The following KHDRBS2 variants were observed in gnomAD, a reference collection of about 807,000 sequenced individuals.
KHDRBS2 encodes KH domain-containing, RNA-binding, signal transduction-associated protein 2.
In KHDRBS2, 26 loss-of-function variants were observed where a neutral mutation model predicts 44.3. The ratio of observed to expected loss-of-function variants is 0.59; its 90% CI spans 0.43 to 0.81. The LOEUF is 0.81. Ranked by LOEUF, KHDRBS2 falls within the 40% of genes least tolerant of loss-of-function variation. The pLI is 0.00. For synonymous variants in KHDRBS2, 194 were observed against 151.1 expected, an observed-to-expected ratio of 1.28 and a Z score of -2.08; for missense variants, 476 against 433.1, an observed-to-expected ratio of 1.10 and a Z score of -0.88.
At chr6:61,981,494 T>C (rs565439494) in intron 3 of KHDRBS2, among the ~76,000 whole-genome samples, 2 of 152,222 alleles carry the variant, frequency 1.3e-5, no homozygotes, top group East Asian at 3.9e-4. Flanking sequence ...TTGTTTGTTG[T>C]TGCTGTTTTT....
rs373865897 is a variant in KHDRBS2 at position 62,167,710 on chromosome 6, C to T, written c.219+9475G>A. Among the ~76,000 whole-genome samples the T allele has an allele frequency of 4.4e-3, 670 of 152,200 alleles. 9 individuals carry two copies. Among genetic ancestry groups the T allele is most frequent in the African/African-American group, 0.015 (637 of 41,542 alleles). ...TACTTTAGAAAAATAAAAAGCAATGCTGTGCAGTGGTCTGTGGTAAAGATA... is the reference window on the plus strand; with the variant it reads ...TACTTTAGAAAAATAAAAAGCAATGTTGTGCAGTGGTCTGTGGTAAAGATA... On this transcript the variant is annotated intron_variant, in intron 2 of 8. Coordinates refer to ENST00000281156, the MANE Select transcript of KHDRBS2 (RefSeq NM_152688.4).
At chr6:61,775,339 G>T (rs1167502959) in intron 6 of KHDRBS2, among the ~76,000 whole-genome samples, 1 of 152,064 alleles carries the variant, frequency 6.6e-6, no homozygotes, top group Non-Finnish European at 1.5e-5. Flanking sequence ...TTAGGAAAAA[G>T]GAAGTCAAAT....
At chr6:62,253,968 G>T (rs78831291) in intron 1 of KHDRBS2, among the ~76,000 whole-genome samples, 19 of 151,776 alleles carry the variant, frequency 1.3e-4, no homozygotes, top group Non-Finnish European at 2.2e-4. Context: ...AGCAGCATGG[G>T]GAATAACACA....
At chr6:61,688,937 T>C (rs1276695432) in intron 8 of KHDRBS2, among the ~76,000 whole-genome samples, 1 of 151,938 alleles carries the variant, frequency 6.6e-6, no homozygotes, top group African/African-American at 2.4e-5. Flanking sequence ...AAGGAGATGA[T>C]TCAAGATGGC....
intron 2 of KHDRBS2, among the ~76,000 whole-genome samples, chr6:62,066,424 A>G (rs1287949082): frequency 2.0e-5 from 3 of 151,684 alleles, no homozygotes; most frequent in African/African-American, 7.2e-5. Context: ...CTTAATGACA[A>G]CTGCACTCTA....
chr6:61,686,507 G>C (rs1294630463), intron 8 of KHDRBS2, among the ~76,000 whole-genome samples: 2 of 151,582 alleles, frequency 1.3e-5, no homozygotes, highest in Non-Finnish European at 3.0e-5. Context: ...TGCTATTGTT[G>C]CAACTCACTA....
intron 3 of KHDRBS2, among the ~76,000 whole-genome samples, chr6:62,021,789 C>A (rs963164817): frequency 3.0e-4 from 45 of 151,404 alleles, no homozygotes; most frequent in African/African-American, 9.2e-4. Context: ...CAAACTAATT[C>A]TTTAAAAGGA....
chr6:62,018,929 C>T (rs1380833952), intron 3 of KHDRBS2, among the ~76,000 whole-genome samples: 3 of 152,012 alleles, frequency 2.0e-5, no homozygotes, highest in Non-Finnish European at 2.9e-5. Flanking sequence ...CATAATTTTT[C>T]TAATGTTATT....
chr6:61,863,348 A>C (rs1399422043), intron 6 of KHDRBS2, among the ~76,000 whole-genome samples: 2 of 148,082 alleles, frequency 1.4e-5, no homozygotes, highest in South Asian at 2.1e-4. Flanking sequence ...GTGCCTTTGC[A>C]CTTGGTTCTC....
chr6:61,977,730 A>G (rs1772979252), intron 4 of KHDRBS2, among the ~76,000 whole-genome samples: 1 of 152,096 alleles, frequency 6.6e-6, no homozygotes, highest in South Asian at 2.1e-4. Flanking sequence ...GCAAACGATA[A>G]ACTTTCAAGT....
chr6:62,180,577 A>G (rs1822059315), intron 1 of KHDRBS2, among the ~76,000 whole-genome samples: 2 of 151,934 alleles, frequency 1.3e-5, no homozygotes, highest in African/African-American at 2.4e-5. Context: ...CTTTATGTTT[A>G]TAGATTGGAA....
At chr6:61,803,360 T>C (rs190273647) in intron 6 of KHDRBS2, among the ~76,000 whole-genome samples, 1 of 152,096 alleles carries the variant, frequency 6.6e-6, no homozygotes, top group African/African-American at 2.4e-5. Context: ...GAAGAAAAGG[T>C]ATTAAAAGCC....
intron 1 of KHDRBS2, among the ~76,000 whole-genome samples, chr6:62,207,632 A>G (rs1828227063): frequency 6.6e-6 from 1 of 152,208 alleles, no homozygotes; most frequent in African/African-American, 2.4e-5. Flanking sequence ...AAAGCTCTTT[A>G]CTGTTAGCTA....
the KHDRBS2 span, among the ~76,000 whole-genome samples, chr6:61,611,605 T>A: frequency 6.6e-6 from 1 of 152,222 alleles, no homozygotes; most frequent in African/African-American, 2.4e-5. Flanking sequence ...CATGGTGGAA[T>A]TCATCTAGTT....
At chr6:61,672,014 A>C in the KHDRBS2 span, among the ~76,000 whole-genome samples, 16 of 150,306 alleles carry the variant, frequency 1.1e-4, no homozygotes, top group African/African-American at 3.9e-4. Flanking sequence ...ACCCCACAAC[A>C]GTCCCCAGAG....
At chr6:62,211,852 C>T (rs1191396390) in intron 1 of KHDRBS2, among the ~76,000 whole-genome samples, 1 of 152,096 alleles carries the variant, frequency 6.6e-6, no homozygotes, top group Non-Finnish European at 1.5e-5. Flanking sequence ...AAGATACATG[C>T]ACACGTATGT....
chr6:62,188,698 T>C (rs886795230), intron 1 of KHDRBS2, among the ~76,000 whole-genome samples: 2 of 152,068 alleles, frequency 1.3e-5, no homozygotes, highest in African/African-American at 4.8e-5. Flanking sequence ...ATTTAAGAAA[T>C]TGCTAGAAGG....
At chr6:62,074,157 A>T (rs1007259532) in intron 2 of KHDRBS2, among the ~76,000 whole-genome samples, 61 of 152,012 alleles carry the variant, frequency 4.0e-4, no homozygotes, top group African/African-American at 1.4e-3. Context: ...CTGTAACTTC[A>T]CTGACACAAG....
intron 7 of KHDRBS2, among the ~76,000 whole-genome samples, chr6:61,725,407 A>C (rs1363938154): frequency 6.6e-6 from 1 of 152,060 alleles, no homozygotes; most frequent in Admixed American, 6.6e-5. Context: ...AGAGCAAACA[A>C]ACCCCAAAGC....
Sources: gnomAD v4.1 joint callset for allele counts (sites outside exome capture counted in the v4.1 genomes callset) on GRCh38, gnomAD v4.1.1 for gene constraint, MANE v1.5 for transcripts, NCBI Gene and HGNC (gene_info 2026-07-23, HGNC 2026-07-21) for gene names.